Variants in TBC1D8 observed in about 807,000 individuals in gnomAD.
The protein encoded by TBC1D8 is BUB2-like protein 1.
Under a neutral mutation model 118.8 loss-of-function variants are expected in TBC1D8, and 65 were observed. The ratio of observed to expected loss-of-function variants is 0.55; its 90% CI spans 0.45 to 0.67. The LOEUF is 0.67. Ranked by LOEUF, TBC1D8 falls within the 30% of genes least tolerant of loss-of-function variation. The pLI, the probability that TBC1D8 is intolerant of heterozygous loss-of-function variation, is 0.00. For missense variants in TBC1D8, 1,376 were observed against 1,471.2 expected, an observed-to-expected ratio of 0.94 and a Z score of 1.06; for synonymous variants, 566 against 595.8, an observed-to-expected ratio of 0.95 and a Z score of 0.73.
chr2:101,030,322 TTAG>T (rs1680593942), intron 11 of TBC1D8, among the ~76,000 whole-genome samples: 1 of 152,120 alleles, frequency 6.6e-6, no homozygotes, highest in Admixed American at 6.5e-5. Flanking sequence ...CTCTTGCAAC[TTAG>T]TAAGAAGGTA....
intron 1 of TBC1D8, among the ~76,000 whole-genome samples, chr2:101,115,959 G>C (rs552831532): frequency 6.6e-6 from 1 of 152,286 alleles, no homozygotes; most frequent in Non-Finnish European, 1.5e-5. Context: ...AACATAAAAG[G>C]ATTCCAGGAG....
At chr2:101,146,271 C>A (rs1434298998) in intron 1 of TBC1D8, among the ~76,000 whole-genome samples, 2 of 152,174 alleles carry the variant, frequency 1.3e-5, no homozygotes, top group East Asian at 1.9e-4. Context: ...GACTTACTTA[C>A]CTTGACTCCA....
intron 2 of TBC1D8, among the ~76,000 whole-genome samples, chr2:101,082,923 T>C (rs1298721507): frequency 6.6e-6 from 1 of 152,174 alleles, no homozygotes; most frequent in East Asian, 1.9e-4. Context: ...GTTAAGACAG[T>C]CAATTTTATG....
At chr2:101,134,311 T>G (rs1405852203) in intron 1 of TBC1D8, among the ~76,000 whole-genome samples, 1 of 152,056 alleles carries the variant, frequency 6.6e-6, no homozygotes, top group Non-Finnish European at 1.5e-5. Context: ...TCTTAGTATG[T>G]TCAGGCACCA....
intron 16 of TBC1D8, 43 bp downstream of exon 16, chr2:101,022,238 C>CA (rs1293175874): frequency 6.2e-7 from 1 of 1,612,072 alleles, no homozygotes; most frequent in East Asian, 2.2e-5. Flanking sequence ...CTCACAGACC[C>CA]ACACCCCAAA....
rs146712509 is a variant in TBC1D8, at chr2:101,092,817, G to T, written c.128-2453C>A. Among the ~76,000 whole-genome samples the T allele has an allele frequency of 2.8e-3, 425 of 152,240 alleles. 1 individual carries two copies. Among genetic ancestry groups the T allele is most frequent in the African/African-American group, 9.4e-3 (391 of 41,538 alleles). On this transcript the variant is annotated intron_variant, in intron 1 of 19. Coordinates refer to ENST00000409318, the MANE Select transcript of TBC1D8 (RefSeq NM_001330348.2). ...TAATGGTATTTAAAAGCCAGTACGG[G>T]GAAGCCAGGTGTGCTCATTGCTAAT...
chr2:101,040,653 A>G (rs1015584723), intron 5 of TBC1D8, among the ~76,000 whole-genome samples: 7 of 151,928 alleles, frequency 4.6e-5, no homozygotes, highest in Admixed American at 3.3e-4. Context: ...TATTTATAGT[A>G]GAGATGGGGT....
At chr2:101,121,880 A>G (rs1228548632) in intron 1 of TBC1D8, among the ~76,000 whole-genome samples, 1 of 152,008 alleles carries the variant, frequency 6.6e-6, no homozygotes, top group African/African-American at 2.4e-5. Context: ...AGCCTGGCCA[A>G]TATGGTGAAA....
chr2:101,009,555 T>C (rs1679032177), intron 19 of TBC1D8, among the ~76,000 whole-genome samples: 1 of 152,090 alleles, frequency 6.6e-6, no homozygotes, highest in South Asian at 2.1e-4. Flanking sequence ...AAAAAGGTTA[T>C]GTGTATCAGA....
At chr2:101,029,326 T>G (rs916922810) in intron 12 of TBC1D8, among the ~76,000 whole-genome samples, 165 bp downstream of exon 12, 1 of 151,010 alleles carries the variant, frequency 6.6e-6, no homozygotes, top group Non-Finnish European at 1.5e-5. Flanking sequence ...GAGGCGGAGG[T>G]TGTAGTGAGC....
intron 17 of TBC1D8, chr2:101,018,932 TG>T: frequency 6.3e-7 from 1 of 1,580,122 alleles, no homozygotes; most frequent in Non-Finnish European, 8.6e-7. Flanking sequence ...CCTAATCTTC[TG>T]GAATGCTCTT....
intron 5 of TBC1D8, among the ~76,000 whole-genome samples, chr2:101,047,843 G>A (rs917705864): frequency 1.5e-4 from 23 of 152,218 alleles, no homozygotes; most frequent in African/African-American, 5.3e-4. Flanking sequence ...GAATGTAAAT[G>A]AAGGCTGCCA....
intron 1 of TBC1D8, among the ~76,000 whole-genome samples, chr2:101,108,049 C>T (rs1335577780): frequency 7.6e-6 from 1 of 132,398 alleles, no homozygotes; most frequent in Non-Finnish European, 1.5e-5. Context: ...GAGCAAGGCT[C>T]TGTCTCAAAA....
intron 1 of TBC1D8, among the ~76,000 whole-genome samples, chr2:101,094,623 A>T (rs1156450114): frequency 6.6e-6 from 1 of 152,160 alleles, no homozygotes; most frequent in Non-Finnish European, 1.5e-5. Context: ...TTTTAACTGG[A>T]AAGAGTGGAA....
At chr2:101,054,481 G>A (rs1247035623) in intron 3 of TBC1D8, 145 bp from the exon 4 acceptor site, 4 of 769,070 alleles carry the variant, frequency 5.2e-6, no homozygotes, top group Non-Finnish European at 8.2e-6. Context: ...CTGACGAGGA[G>A]AATGGCTCAG....
chr2:101,124,941 G>A (rs1678287556), intron 1 of TBC1D8, among the ~76,000 whole-genome samples: 1 of 152,262 alleles, frequency 6.6e-6, no homozygotes, highest in East Asian at 1.9e-4. Flanking sequence ...CTTCCCATGT[G>A]CCTTAGAAAT....
At chr2:101,047,545 C>A (rs773949184) in intron 5 of TBC1D8, among the ~76,000 whole-genome samples, 3 of 152,192 alleles carry the variant, frequency 2.0e-5, no homozygotes, top group African/African-American at 7.2e-5. Context: ...CCCACAGGCC[C>A]ACGTCTCCAT....
intron 2 of TBC1D8, among the ~76,000 whole-genome samples, chr2:101,069,541 G>A (rs1247962498): frequency 5.9e-5 from 9 of 152,164 alleles, no homozygotes; most frequent in African/African-American, 1.7e-4. Flanking sequence ...AGCCGAGATC[G>A]TGCCATTGCA....
At chr2:101,057,799 G>C (rs1288080615) in intron 3 of TBC1D8, among the ~76,000 whole-genome samples, 1 of 152,190 alleles carries the variant, frequency 6.6e-6, no homozygotes, top group Non-Finnish European at 1.5e-5. Context: ...ACTCCAGCCT[G>C]AGTGACAGAG....
Sources: gnomAD v4.1 joint callset for allele counts (sites outside exome capture counted in the v4.1 genomes callset) on GRCh38, gnomAD v4.1.1 for gene constraint, MANE v1.5 for transcripts, NCBI Gene and HGNC (gene_info 2026-07-23, HGNC 2026-07-21) for gene names.